Variants in ROR1 observed in about 807,000 individuals in gnomAD.
ROR1 encodes the protein ROR family WNT receptor 1, also known as inactive tyrosine-protein kinase transmembrane receptor ROR1.
In ROR1, 19 loss-of-function variants were observed where a neutral mutation model predicts 78.8. That is an observed-to-expected ratio of 0.24 (90% CI 0.17 to 0.35). ROR1 has a LOEUF of 0.35. Ranked by LOEUF, ROR1 falls within the 10% of genes least tolerant of loss-of-function variation. The probability of loss-of-function intolerance (pLI) is 1.00; values close to 1 mark genes in which losing one functional copy is unlikely to be tolerated. For synonymous variants in ROR1, 386 were observed against 433.6 expected (o/e 0.89, Z 1.36); for missense variants, 917 against 1,177.8 (o/e 0.78, Z 3.24).
chr1:63,839,768 T>TG (rs1557521248), intron 1 of ROR1, among the ~76,000 whole-genome samples: 3 of 152,194 alleles, frequency 2.0e-5, no homozygotes, highest in African/African-American at 7.2e-5. Flanking sequence ...TACATAATAC[T>TG]ATTTTTTCCA....
intron 2 of ROR1, among the ~76,000 whole-genome samples, chr1:64,041,932 G>A (rs1024083891): frequency 4.6e-5 from 7 of 152,162 alleles, no homozygotes; most frequent in Admixed American, 1.3e-4. Context: ...ACTGGGGAGT[G>A]CAAGAGGAAG....
At chr1:64,127,830 A>T (rs1648766398) in intron 4 of ROR1, among the ~76,000 whole-genome samples, 1 of 152,216 alleles carries the variant, frequency 6.6e-6, no homozygotes, top group Admixed American at 6.5e-5. Context: ...GTGAGCTTCC[A>T]ATCTCATACA....
At chr1:63,913,345 A>T (rs1195084924) in intron 1 of ROR1, among the ~76,000 whole-genome samples, 1 of 152,122 alleles carries the variant, frequency 6.6e-6, no homozygotes, top group Non-Finnish European at 1.5e-5. Context: ...TGGGAGAAAA[A>T]TAAATCTTAA....
intron 1 of ROR1, among the ~76,000 whole-genome samples, chr1:64,003,397 G>A (rs866237317): frequency 2.6e-5 from 4 of 152,184 alleles, no homozygotes; most frequent in Non-Finnish European, 4.4e-5. Context: ...TTGAGCAGGG[G>A]TTTAAAGTTG....
rs1425921833 is a variant in ROR1, at chr1:63,774,954, G to C, written c.91+446G>C. On this transcript the variant is annotated intron_variant, in intron 1 of 8. Transcript: ENST00000371079. The surrounding 1 kb of genome is among the most constrained non-coding windows in gnomAD (Gnocchi z 5.7). ...GTCCAGGAGGGAGTTTGGATTTTCA[G>C]TGGTGCTCGCCAGAGCCCAGGCGGC... Among the ~76,000 whole-genome samples, 1 of 152,108 alleles carries C rather than the reference G, an allele frequency of 6.6e-6. No homozygotes were observed. The highest frequency in any genetic ancestry group is 1.5e-5 in the Non-Finnish European group (1 of 68,012).
intron 4 of ROR1, among the ~76,000 whole-genome samples, chr1:64,071,114 A>T (rs1182812888): frequency 6.6e-6 from 1 of 152,166 alleles, no homozygotes; most frequent in Non-Finnish European, 1.5e-5. Context: ...TGGATGAGCG[A>T]GTTGTGGGAA....
chr1:63,829,239 T>C (rs1644972387), intron 1 of ROR1, among the ~76,000 whole-genome samples: 1 of 152,250 alleles, frequency 6.6e-6, no homozygotes, highest in East Asian at 1.9e-4. Flanking sequence ...TCAGATGAGA[T>C]GTTGCACATG....
chr1:63,995,007 G>T (rs1400894198), intron 1 of ROR1, among the ~76,000 whole-genome samples: 3 of 152,176 alleles, frequency 2.0e-5, no homozygotes, highest in African/African-American at 7.2e-5. Flanking sequence ...TCCAAAGGTG[G>T]TCTTGCATTT....
intron 1 of ROR1, among the ~76,000 whole-genome samples, chr1:63,829,824 C>G (rs1644975590): frequency 6.6e-6 from 1 of 152,084 alleles, no homozygotes; most frequent in African/African-American, 2.4e-5. Context: ...CTTGGTCTGA[C>G]TTTCATTTTC....
chr1:63,779,897 T>C (rs1240734585), intron 1 of ROR1, among the ~76,000 whole-genome samples: 2 of 152,062 alleles, frequency 1.3e-5, no homozygotes, highest in Non-Finnish European at 2.9e-5. Context: ...GTGAATTACA[T>C]TGGAAGAGGG....
At chr1:64,017,760 C>A (rs914966835) in intron 2 of ROR1, among the ~76,000 whole-genome samples, 2 of 152,184 alleles carry the variant, frequency 1.3e-5, no homozygotes, top group African/African-American at 4.8e-5. Context: ...CACCTCCATC[C>A]TCCCAGCAAC....
At chr1:63,806,433 A>T (rs1425721322) in intron 1 of ROR1, among the ~76,000 whole-genome samples, 9 of 148,206 alleles carry the variant, frequency 6.1e-5, no homozygotes, top group East Asian at 2.0e-4. Context: ...CTCTCCTGCC[A>T]CAGCCTCCTG....
At chr1:64,025,644 CACAT>C (rs1415762460) in intron 2 of ROR1, among the ~76,000 whole-genome samples, 1 of 151,420 alleles carries the variant, frequency 6.6e-6, no homozygotes, top group Non-Finnish European at 1.5e-5. Flanking sequence ...TATATATACA[CACAT>C]ATACACATAT....
chr1:64,010,370 T>G (rs1162296197), intron 2 of ROR1, among the ~76,000 whole-genome samples: 1 of 151,566 alleles, frequency 6.6e-6, no homozygotes, highest in East Asian at 1.9e-4. Context: ...ATCTTACTTT[T>G]TTTTTTTTTT....
chr1:63,819,013 C>T lies in ROR1; in HGVS notation c.91+44505C>T, dbSNP rs575404253. ...ACTAATAAGGAAAAATTGCTAAAGCCCTGGAAATTGAAGGCTACCAGAACC... is the reference window on the plus strand; with the variant it reads ...ACTAATAAGGAAAAATTGCTAAAGCTCTGGAAATTGAAGGCTACCAGAACC... On this transcript the variant is annotated intron_variant, in intron 1 of 8. Coordinates refer to ENST00000371079, the MANE Select transcript of ROR1 (RefSeq NM_005012.4). Among the ~76,000 whole-genome samples the T allele has an allele frequency of 1.1e-4, 17 of 152,080 alleles. No homozygotes were observed. In the South Asian group the frequency reaches 1.5e-3, roughly 13 times the overall value.
intron 1 of ROR1, chr1:63,843,162 G>C: frequency 9.8e-7 from 1 of 1,024,220 alleles, no homozygotes; most frequent in Non-Finnish European, 1.5e-6. Context: ...GGGGCTGCCA[G>C]ATGCTCCAGG....
intron 1 of ROR1, among the ~76,000 whole-genome samples, chr1:63,879,925 G>T (rs1315466099): frequency 3.3e-5 from 5 of 152,188 alleles, no homozygotes; most frequent in African/African-American, 1.2e-4. Context: ...GTTGGAGTAG[G>T]GGTCCCCAAA....
intron 1 of ROR1, among the ~76,000 whole-genome samples, chr1:63,937,411 T>C (rs1433576246): frequency 6.6e-6 from 1 of 152,228 alleles, no homozygotes; most frequent in African/African-American, 2.4e-5. Context: ...GATGGACCCT[T>C]CTACATTCTG....
chr1:64,114,654 C>T (rs957406152), intron 4 of ROR1, among the ~76,000 whole-genome samples: 4 of 152,096 alleles, frequency 2.6e-5, no homozygotes, highest in African/African-American at 7.2e-5. Context: ...TTAACAAACC[C>T]GGCACATTGC....
Sources: gnomAD v4.1 joint callset for allele counts (sites outside exome capture counted in the v4.1 genomes callset) on GRCh38, gnomAD v4.1.1 for gene constraint, Gnocchi (gnomAD v3.1) non-coding constraint, MANE v1.5 for transcripts, NCBI Gene and HGNC (gene_info 2026-07-23, HGNC 2026-07-21) for gene names.